The following CHD8 variants were observed in gnomAD, a reference collection of about 807,000 sequenced individuals.
The protein encoded by CHD8 is chromodomain helicase DNA binding protein 8.
In CHD8, 31 loss-of-function variants were observed where a neutral mutation model predicts 279.2. That is an observed-to-expected ratio of 0.11 (90% CI 0.08 to 0.15). CHD8 has a LOEUF of 0.15. Among genes scored for constraint, CHD8 ranks in the 10% least tolerant of loss-of-function variants. CHD8 has a pLI of 1.00. For synonymous variants in CHD8, 1,081 were observed against 1,139.6 expected, an observed-to-expected ratio of 0.95 and a Z score of 1.04; for missense variants, 2,146 against 3,230.5, an observed-to-expected ratio of 0.66 and a Z score of 8.14.
Position 21,403,196 on chromosome 14 carries a change from T to G in CHD8, c.3535A>C (p.Ile1179Leu). The G allele has an allele frequency of 1.2e-6, 2 of 1,613,784 alleles. No homozygotes were observed. Residue 1179 changes from isoleucine to leucine, a missense_variant, in exon 18 of 38, where the codon ATT (isoleucine) becomes CTT (leucine). Ile to Leu is a conservative substitution (Grantham distance 5). Around this residue, in one of 26 missense-constraint regions of CHD8, gnomAD observed 48 missense variants for 135.7 expected, o/e 0.35. Coordinates refer to ENST00000646647, the MANE Select transcript of CHD8 (RefSeq NM_001170629.2). This position sits in a 1 kb window ranked among gnomAD's most constrained non-coding sequence, Gnocchi z 4.3. Reference sequence around the variant, plus strand: ...AGGTTGCCTCTAACTCGCCCATCAATACGTTCATATAAGTACCTGTATGGG... The same window carrying G: ...AGGTTGCCTCTAACTCGCCCATCAAGACGTTCATATAAGTACCTGTATGGG... ...LIQRRYLYER[I>L]DGRVRGNLRQ...
rs775793042 is a variant in CHD8, at chr14:21,405,165, A to G, written c.3307+44T>C. 8 of 1,593,694 alleles carry G rather than the reference A, an allele frequency of 5.0e-6. No homozygotes were observed. The East Asian group carries it at 1.8e-4, about 36-fold the overall frequency. On this transcript the variant is annotated intron_variant, in intron 16 of 37. Transcript: ENST00000646647. The surrounding 1 kb of genome is among the most constrained non-coding windows in gnomAD (Gnocchi z 4.2). Reference sequence around the variant, plus strand: ...AAGGAGAATCATCCGGAAAGTAAACACAGGTACTACAGAAGTTCAGGTATA... The same window carrying G: ...AAGGAGAATCATCCGGAAAGTAAACGCAGGTACTACAGAAGTTCAGGTATA...
At chr14:21,390,235 C>CA (rs1179284017) in intron 37 of CHD8, among the ~76,000 whole-genome samples, 7 of 151,732 alleles carry the variant, frequency 4.6e-5, no homozygotes, top group Admixed American at 1.3e-4. Context: ...GACCATGTCT[C>CA]AAAAAAACAG....
At chr14:21,428,941 T>G (rs749496007) in intron 3 of CHD8, 23 bp downstream of exon 3, 1 of 1,612,166 alleles carries the variant, frequency 6.2e-7, no homozygotes, top group East Asian at 2.2e-5. Flanking sequence ...TTCTTTCTTT[T>G]CCTTACTATG....
At chr14:21,452,020 G>C (rs1485436665) in intron 1 of CHD8, among the ~76,000 whole-genome samples, 1 of 152,136 alleles carries the variant, frequency 6.6e-6, no homozygotes, top group African/African-American at 2.4e-5. Context: ...GGTTATCCAA[G>C]ACAAAATCTA....
chr14:21,392,974 G>GAA (rs10646956), intron 33 of CHD8, 132 bp downstream of exon 33: 120,008 of 899,516 alleles, frequency 0.13, 14 homozygotes, highest in South Asian at 0.17. Context: ...AAGTTTCCTG[G>GAA]AAAAAAAAAA....
At chr14:21,410,825 C>G (rs776093578) in intron 10 of CHD8, among the ~76,000 whole-genome samples, 1 of 152,160 alleles carries the variant, frequency 6.6e-6, no homozygotes, top group Admixed American at 6.5e-5. Context: ...TCACAGATCT[C>G]GAATCTCTGG....
chr14:21,420,937 T>G (rs1007133449), intron 5 of CHD8, among the ~76,000 whole-genome samples: 7 of 152,154 alleles, frequency 4.6e-5, no homozygotes, highest in African/African-American at 1.7e-4. Context: ...TAATTTTGTA[T>G]TTTTAGTAGA....
intron 33 of CHD8, 74 bp from the exon 34 acceptor site, chr14:21,392,883 T>C: frequency 7.0e-7 from 1 of 1,438,236 alleles, no homozygotes; most frequent in African/African-American, 1.4e-5. Context: ...TACTCAATAG[T>C]GCCATCACTA....
chr14:21,412,597 T>C (rs1304137429), intron 10 of CHD8, among the ~76,000 whole-genome samples: 3 of 152,124 alleles, frequency 2.0e-5, no homozygotes, highest in Non-Finnish European at 2.9e-5. Flanking sequence ...GAAGTATCCC[T>C]TTCCCCTTCC....
At chr14:21,388,076 C>T (rs1887355360) in intron 37 of CHD8, among the ~76,000 whole-genome samples, 1 of 152,180 alleles carries the variant, frequency 6.6e-6, no homozygotes, top group African/African-American at 2.4e-5. Flanking sequence ...TCGAGGCTAA[C>T]AGGGAAAACT....
chr14:21,438,606 G>A (rs1475408975), intron 1 of CHD8, among the ~76,000 whole-genome samples: 1 of 151,770 alleles, frequency 6.6e-6, no homozygotes, highest in African/African-American at 2.4e-5. Context: ...AGAGCGAGGC[G>A]GGCAGACCAC....
In CHD8 at chr14:21,426,249, A is replaced by G. The variant is rs1270446641; in HGVS notation, c.1602-7T>C. 2.8e-6 allele frequency: 4 copies of G among 1,436,992 alleles called. No homozygotes were observed. Among genetic ancestry groups the G allele is most frequent in the Non-Finnish European group, 3.9e-6 (4 of 1,037,636 alleles). The allele number at this position is 1,436,992 out of a possible 1,614,324, so 89.0% of individuals were successfully genotyped here. A position where few individuals can be genotyped will look rare whatever the true frequency, so the allele number is the denominator to read the frequency against. ...CACTACAGGAGTGATGGTGCTAAAAAGGAAAAACCAAATTCATTTTCAGTG... is the reference window on the plus strand; with the variant it reads ...CACTACAGGAGTGATGGTGCTAAAAGGGAAAAACCAAATTCATTTTCAGTG... On this transcript the variant is annotated splice_region_variant and splice_polypyrimidine_tract_variant and intron_variant, in intron 4 of 37. Transcript: ENST00000646647.
rs1032889953 is a variant in CHD8, at chr14:21,403,958, G to T, written c.3308-295C>A. 1.3e-5 allele frequency among the ~76,000 whole-genome samples: 2 copies of T among 152,094 alleles called. No individual in the cohort carries two copies. The highest frequency in any genetic ancestry group is 1.3e-4 in the Admixed American group (2 of 15,268). The stretch of plus-strand genomic sequence containing the variant: ...TACTAACAATACAAAAATTAGCCAG[G>T]TGTGGTGGCGGAGGCCTGTAGTTCC... On this transcript the variant is annotated intron_variant, in intron 16 of 37. Transcript: ENST00000646647. This position sits in a 1 kb window ranked among gnomAD's most constrained non-coding sequence, Gnocchi z 4.3.
At chr14:21,455,741 GC>G (rs1890372838) in intron 1 of CHD8, among the ~76,000 whole-genome samples, 1 of 151,460 alleles carries the variant, frequency 6.6e-6, no homozygotes, top group Non-Finnish European at 1.5e-5. Context: ...TCTACACTAC[GC>G]CCAGTAATGC....
intron 37 of CHD8, among the ~76,000 whole-genome samples, chr14:21,389,129 G>A (rs1998330): frequency 6.6e-6 from 1 of 151,736 alleles, no homozygotes; most frequent in African/African-American, 2.4e-5. Context: ...GTGAAACCCC[G>A]TCTCTACTAA....
At chr14:21,391,271 T>TA (rs1887523875) in intron 36 of CHD8, among the ~76,000 whole-genome samples, 192 bp downstream of exon 36, 1 of 152,242 alleles carries the variant, frequency 6.6e-6, no homozygotes. Context: ...GCCTAGCACT[T>TA]AAAGTACTTC....
chr14:21,414,911 G>A (rs200971750), intron 8 of CHD8, 27 bp downstream of exon 8: 6 of 1,581,254 alleles, frequency 3.8e-6, no homozygotes, highest in Middle Eastern at 1.7e-4. Flanking sequence ...AATTTGGGGT[G>A]ACAAGCTTTT....
At chr14:21,453,539 T>C (rs182127536) in intron 1 of CHD8, among the ~76,000 whole-genome samples, 3 of 151,972 alleles carry the variant, frequency 2.0e-5, no homozygotes, top group Admixed American at 2.0e-4. Flanking sequence ...TAGTAAATAT[T>C]ATACCACAAT....
At chr14:21,406,228 T>C (rs1157666990) in intron 14 of CHD8, among the ~76,000 whole-genome samples, 1 of 152,226 alleles carries the variant, frequency 6.6e-6, no homozygotes, top group Non-Finnish European at 1.5e-5. Context: ...CTGGATTAAA[T>C]ATGGTCATTA....
Sources: gnomAD v4.1 joint callset for allele counts (sites outside exome capture counted in the v4.1 genomes callset) on GRCh38, gnomAD v4.1.1 for gene constraint, gnomAD v4.1.1 regional missense constraint, Gnocchi (gnomAD v3.1) non-coding constraint, MANE v1.5 for transcripts, NCBI Gene and HGNC (gene_info 2026-07-23, HGNC 2026-07-21) for gene names.